MGAT5: variants seen among roughly 807,000 people sequenced by gnomAD.
The protein encoded by MGAT5 is alpha-1,6-mannosylglycoprotein 6-beta-N-acetylglucosaminyltransferase A.
In MGAT5, 30 loss-of-function variants were observed where a neutral mutation model predicts 94.3. The observed-to-expected ratio is 0.32, with a 90% CI of 0.24 to 0.43. The LOEUF (loss-of-function observed/expected upper bound fraction) is 0.43. Among genes scored for constraint, MGAT5 ranks in the 20% least tolerant of loss-of-function variants. MGAT5 has a pLI of 1.00. For synonymous variants in MGAT5, 310 were observed against 322.9 expected, an observed-to-expected ratio of 0.96 and a Z score of 0.43; for missense variants, 691 against 905.5, an observed-to-expected ratio of 0.76 and a Z score of 3.04.
chr2:134,415,897 G>A (rs1404325812), intron 12 of MGAT5, among the ~76,000 whole-genome samples: 1 of 152,094 alleles, frequency 6.6e-6, no homozygotes, highest in East Asian at 1.9e-4. Context: ...GTGTATTCTT[G>A]TCAGCGTCGT....
chr2:134,378,623 T>TC (rs1220179456), intron 10 of MGAT5, among the ~76,000 whole-genome samples: 1 of 150,990 alleles, frequency 6.6e-6, no homozygotes, highest in African/African-American at 2.4e-5. Context: ...ATTACTTTTT[T>TC]TTTTTTTTTT....
At chr2:134,187,306 A>G (rs905779764) in intron 1 of MGAT5, among the ~76,000 whole-genome samples, 1 of 152,198 alleles carries the variant, frequency 6.6e-6, no homozygotes, top group Non-Finnish European at 1.5e-5. Context: ...AGGGGCAAGA[A>G]TAGAAGCAGA....
chr2:134,121,375 C>T (rs1685580763), intron 1 of MGAT5, among the ~76,000 whole-genome samples: 2 of 152,222 alleles, frequency 1.3e-5, no homozygotes, highest in Non-Finnish European at 2.9e-5. Flanking sequence ...CAGGGACGCT[C>T]GCGCATACAC....
intron 10 of MGAT5, among the ~76,000 whole-genome samples, chr2:134,387,500 G>A (rs1253562042): frequency 6.6e-6 from 1 of 151,280 alleles, no homozygotes; most frequent in African/African-American, 2.4e-5. Context: ...AGCAGAAACA[G>A]GAGTCTATTC....
chr2:134,377,715 T>C (rs2106185671), intron 10 of MGAT5, among the ~76,000 whole-genome samples: 1 of 152,288 alleles, frequency 6.6e-6, no homozygotes, highest in Non-Finnish European at 1.5e-5. Flanking sequence ...TTTCCCCAGA[T>C]GATGTGACTT....
intron 2 of MGAT5, among the ~76,000 whole-genome samples, chr2:134,274,267 A>G (rs1376674209): frequency 1.3e-5 from 2 of 152,252 alleles, no homozygotes; most frequent in Non-Finnish European, 2.9e-5. Flanking sequence ...ATTGGAGGGA[A>G]CAGCATTTGG....
At chr2:134,414,324 A>C (rs1683846657) in intron 12 of MGAT5, among the ~76,000 whole-genome samples, 1 of 152,232 alleles carries the variant, frequency 6.6e-6, no homozygotes, top group East Asian at 1.9e-4. Context: ...GACTGGGGAC[A>C]TTCAGTCTGC....
intron 1 of MGAT5, among the ~76,000 whole-genome samples, chr2:134,129,687 T>C (rs1238770189): frequency 1.3e-5 from 2 of 152,246 alleles, no homozygotes; most frequent in Admixed American, 6.5e-5. Flanking sequence ...CTTTTTTTTT[T>C]TTTTTACTTT....
chr2:134,439,878 C>A (rs1685385205), intron 14 of MGAT5, among the ~76,000 whole-genome samples: 1 of 152,178 alleles, frequency 6.6e-6, no homozygotes, highest in Non-Finnish European at 1.5e-5. Flanking sequence ...ACATGACAGA[C>A]AAGGGAGGGA....
intron 4 of MGAT5, among the ~76,000 whole-genome samples, chr2:134,329,579 G>A (rs1400641860): frequency 2.0e-5 from 3 of 152,072 alleles, no homozygotes. Flanking sequence ...AATAGTGATT[G>A]AGCATATCAG....
At chr2:134,124,028 C>T (rs1269987475) in intron 1 of MGAT5, among the ~76,000 whole-genome samples, 1 of 152,224 alleles carries the variant, frequency 6.6e-6, no homozygotes, top group Non-Finnish European at 1.5e-5. Flanking sequence ...GTTTTACATC[C>T]TATGTCAACA....
chr2:134,206,147 A>G (rs905734294), intron 1 of MGAT5, among the ~76,000 whole-genome samples: 8 of 152,216 alleles, frequency 5.3e-5, no homozygotes, highest in African/African-American at 1.9e-4. Context: ...ATTTTCTGAA[A>G]TGAATGTCAG....
intron 1 of MGAT5, among the ~76,000 whole-genome samples, chr2:134,127,771 T>C (rs1685915482): frequency 1.3e-5 from 2 of 152,110 alleles, no homozygotes; most frequent in South Asian, 2.1e-4. Flanking sequence ...GTGCATCACT[T>C]AGCCCCTCCC....
intron 1 of MGAT5, among the ~76,000 whole-genome samples, chr2:134,232,445 G>C (rs1681417672): frequency 6.6e-6 from 1 of 152,154 alleles, no homozygotes; most frequent in African/African-American, 2.4e-5. Context: ...GGACCCATTA[G>C]CTGAAGAGGG....
rs79671464 is a variant in MGAT5 at position 134,194,809 on chromosome 2, C to T, written c.-142-59453C>T. On this transcript the variant is annotated intron_variant, in intron 1 of 16. Coordinates refer to the MGAT5 transcript ENST00000409645. ...CCCTCACTTCATGTACTGTTCAAGGCCCTGGTGGAATATCTTCCATGAGCA... is the reference window on the plus strand; with the variant it reads ...CCCTCACTTCATGTACTGTTCAAGGTCCTGGTGGAATATCTTCCATGAGCA... Among the ~76,000 whole-genome samples the T allele has an allele frequency of 2.1e-3, 316 of 152,270 alleles. 3 individuals carry two copies. The East Asian group carries it at 0.03, about 15-fold the overall frequency.
intron 10 of MGAT5, among the ~76,000 whole-genome samples, chr2:134,362,874 G>A (rs532542483): frequency 2.3e-4 from 35 of 152,324 alleles, no homozygotes; most frequent in Admixed American, 7.2e-4. Flanking sequence ...CTCACCTGAC[G>A]TAGAAAGTAA....
intron 1 of MGAT5, among the ~76,000 whole-genome samples, chr2:134,249,059 G>A (rs1204801322): frequency 3.9e-5 from 6 of 151,988 alleles, no homozygotes; most frequent in Admixed American, 3.9e-4. Flanking sequence ...TGGTGAACTG[G>A]AAGTAGATCA....
chr2:134,382,613 G>A (rs1466618359), intron 10 of MGAT5, among the ~76,000 whole-genome samples: 2 of 152,318 alleles, frequency 1.3e-5, no homozygotes, highest in East Asian at 1.9e-4. Flanking sequence ...TTTTAAGCCT[G>A]TACCTCCCCA....
rs934110137 is a variant in MGAT5 at position 134,268,724 on chromosome 2, A to G, written c.242-1662A>G. The stretch of plus-strand genomic sequence containing the variant: ...CTTATTATGTGCCAGCCAGTATTCA[A>G]AACACCTTATAAATATTAACTCTTT... On this transcript the variant is annotated intron_variant, in intron 1 of 15. Transcript: ENST00000281923. This position sits in a 1 kb window ranked among gnomAD's most constrained non-coding sequence, Gnocchi z 4.1. Among the ~76,000 whole-genome samples, 3 of 152,228 alleles carry G rather than the reference A, an allele frequency of 2.0e-5. No homozygotes were observed. Among genetic ancestry groups the G allele is most frequent in the South Asian group, 2.1e-4 (1 of 4,830 alleles).
Sources: gnomAD v4.1 joint callset for allele counts (sites outside exome capture counted in the v4.1 genomes callset) on GRCh38, gnomAD v4.1.1 for gene constraint, Gnocchi (gnomAD v3.1) non-coding constraint, MANE v1.5 for transcripts, NCBI Gene and HGNC (gene_info 2026-07-23, HGNC 2026-07-21) for gene names.